TMPRSS4: variants seen among roughly 807,000 people sequenced by gnomAD.
The protein encoded by TMPRSS4 is transmembrane serine protease 4.
TMPRSS4 carries 45 observed loss-of-function variants against 56.4 expected under a neutral mutation model. The ratio of observed to expected loss-of-function variants is 0.80; its 90% CI spans 0.63 to 1.02. The LOEUF is 1.02. Ranked by LOEUF, TMPRSS4 falls within the 50% of genes least tolerant of loss-of-function variation. The pLI is 0.00. For synonymous variants in TMPRSS4, 205 were observed against 211.0 expected (o/e 0.97, Z 0.25); for missense variants, 546 against 556.7 (o/e 0.98, Z 0.19).
intron 1 of TMPRSS4, among the ~76,000 whole-genome samples, chr11:118,089,304 T>A (rs747721448): frequency 3.3e-5 from 5 of 152,176 alleles, no homozygotes; most frequent in African/African-American, 1.2e-4. Context: ...GAGCTACTCA[T>A]GGGGAAACTC....
In TMPRSS4 at chr11:118,115,096, T is replaced by C. The variant is rs768206438; in HGVS notation, c.1010-42T>C. On this transcript the variant is annotated intron_variant, in intron 10 of 12. Transcript: ENST00000437212. ...GGTTTGGCAATCCAGGGCTGGGGGA[T>C]AGAAGGCAAGGATGGGAATGTGAGT... is the stretch of plus-strand genomic sequence containing the variant. 8.1e-6 allele frequency: 13 copies of C among 1,595,172 alleles called. No homozygotes were observed. The African/African-American group carries it at 1.2e-4, about 15-fold the overall frequency.
intron 5 of TMPRSS4, 106 bp from the exon 6 acceptor site, chr11:118,107,668 A>T: frequency 1.1e-6 from 1 of 911,786 alleles, no homozygotes; most frequent in Non-Finnish European, 1.7e-6. Context: ...ACTCCCCACC[A>T]AGCATTCTCT....
In TMPRSS4 at chr11:118,119,102, C is replaced by G. The variant is rs3741313; in HGVS notation, c.*1189C>G. ...ACTGTACTAGGTTCTTAGGAAACAA[C>G]AGAATTCCTCAAATGCCAAAAACAA... On this transcript the variant is annotated 3_prime_UTR_variant, in exon 13 of 13. Transcript: ENST00000437212. 0.019 allele frequency: 18,695 copies of G among 985,240 alleles called. 1,545 individuals carry two copies. The African/African-American group carries it at 0.22, about 12-fold the overall frequency. The allele number at this position is 985,240 out of a possible 1,614,324, so 61.0% of individuals were successfully genotyped here. A position where few individuals can be genotyped will look rare whatever the true frequency, so the allele number is the denominator to read the frequency against.
chr11:118,080,453 A>T (rs775275221), intron 1 of TMPRSS4, among the ~76,000 whole-genome samples: 1 of 152,106 alleles, frequency 6.6e-6, no homozygotes, highest in African/African-American at 2.4e-5. Context: ...GGCCCTGTCC[A>T]TCTCCCAGGG....
chr11:118,104,856 T>A, intron 5 of TMPRSS4, 36 bp downstream of exon 5: 1 of 1,513,084 alleles, frequency 6.6e-7, no homozygotes, highest in Admixed American at 2.1e-5. Context: ...TTTCCCTCCT[T>A]CCTCCTTCCT....
chr11:118,111,100 C>T (rs1947255366), intron 7 of TMPRSS4, among the ~76,000 whole-genome samples: 1 of 152,326 alleles, frequency 6.6e-6, no homozygotes, highest in South Asian at 2.1e-4. Context: ...CTTAGAATGG[C>T]CCTTCTACCA....
At chr11:118,083,413 C>T (rs755180309) in intron 1 of TMPRSS4, among the ~76,000 whole-genome samples, 1 of 152,138 alleles carries the variant, frequency 6.6e-6, no homozygotes, top group Non-Finnish European at 1.5e-5. Context: ...TGGTCACTGT[C>T]CCCAGATGCG....
rs202029114 is a variant in TMPRSS4, at chr11:118,117,460, G to T, written c.1302+6G>T. 5.5e-4 allele frequency: 882 copies of T among 1,610,234 alleles called. 1 individual carries two copies. Among genetic ancestry groups the T allele is most frequent in the Non-Finnish European group, 6.1e-4 (714 of 1,177,584 alleles). On this transcript the variant is annotated splice_donor_region_variant and intron_variant, in intron 12 of 12. Coordinates refer to ENST00000437212, the MANE Select transcript of TMPRSS4 (RefSeq NM_019894.4). ...GGATCTACAATGTCTGGAAGGTAAG[G>T]TACCTTTGCCCTACCCACTGTGCCT...
intron 9 of TMPRSS4, among the ~76,000 whole-genome samples, chr11:118,114,365 C>A (rs598061): frequency 0.7 from 106,023 of 152,070 alleles, 37,632 homozygotes; most frequent in East Asian, 0.95. Flanking sequence ...ACCCCACCCC[C>A]CAACACAGGG....
chr11:118,085,774 C>T (rs1952600849), intron 1 of TMPRSS4, among the ~76,000 whole-genome samples: 3 of 152,170 alleles, frequency 2.0e-5, no homozygotes, highest in African/African-American at 4.8e-5. Flanking sequence ...CGAGTCCCCT[C>T]CAGCCATTGT....
rs1947768477 is a variant in TMPRSS4 at position 118,120,825 on chromosome 11, T to G, written c.*2912T>G. 6.6e-6 allele frequency: 1 copy of G among 152,090 alleles called. No homozygotes were observed. Among genetic ancestry groups the G allele is most frequent in the Admixed American group, 6.6e-5 (1 of 15,266 alleles). 9.4% of individuals were successfully genotyped at this position (152,090 alleles called of 1,614,324 possible). A position where few individuals can be genotyped will look rare whatever the true frequency, so the allele number is the denominator to read the frequency against. ...GAGACAGTACCAAAGAGATAAGAGCTGAGAATGTTCCAGAATTGATAAAAG... is the reference window on the plus strand; with the variant it reads ...GAGACAGTACCAAAGAGATAAGAGCGGAGAATGTTCCAGAATTGATAAAAG... On this transcript the variant is annotated 3_prime_UTR_variant, in exon 13 of 13. Coordinates refer to ENST00000437212, the MANE Select transcript of TMPRSS4 (RefSeq NM_019894.4).
At position 118,117,393 on chromosome 11, in the gene TMPRSS4, G is replaced by C; in HGVS notation, c.1241G>C (p.Ser414Thr). 1 of 1,614,136 alleles carries C rather than the reference G, an allele frequency of 6.2e-7. No individual in the cohort carries two copies. Residue 414 changes from serine (S) to threonine (T), a missense_variant, in exon 12 of 13, where the codon AGC (serine) becomes ACC (threonine). Ser to Thr is a moderately conservative substitution (Grantham distance 58). Transcript: ENST00000437212. Reference sequence around the variant, plus strand: ...TGGGGCTATGGCTGCGGGGGCCCGAGCACCCCAGGAGTATACACCAAGGTC... The same window carrying C: ...TGGGGCTATGGCTGCGGGGGCCCGACCACCCCAGGAGTATACACCAAGGTC... ...VSWGYGCGGP[S>T]TPGVYTKVSA...
At chr11:118,117,708 G>T (rs890831215) in intron 12 of TMPRSS4, 194 bp from the exon 13 acceptor site, 1 of 985,332 alleles carries the variant, frequency 1.0e-6, no homozygotes, top group Non-Finnish European at 1.2e-6. Context: ...GACAGAATGA[G>T]ACTATCAGAT....
intron 2 of TMPRSS4, among the ~76,000 whole-genome samples, chr11:118,098,639 C>T (rs1463634851): frequency 6.6e-6 from 1 of 152,156 alleles, no homozygotes; most frequent in Non-Finnish European, 1.5e-5. Context: ...TGAATGGGTA[C>T]GTGCCCCAGG....
intron 4 of TMPRSS4, among the ~76,000 whole-genome samples, chr11:118,103,853 G>C (rs1249420320): frequency 6.6e-6 from 1 of 152,252 alleles, no homozygotes; most frequent in Non-Finnish European, 1.5e-5. Flanking sequence ...CAGAGGGCTA[G>C]ACTGGGTGAC....
In TMPRSS4 at chr11:118,121,320, T is replaced by A. The variant is rs1340113028; in HGVS notation, c.*3407T>A. ...AGGCAATTGTGAAAATGTAGGTAAG[T>A]CTAAACACACTCTGTCTACTTCTTC... On this transcript the variant is annotated 3_prime_UTR_variant, in exon 13 of 13. Transcript: ENST00000437212. 6.6e-6 allele frequency: 1 copy of A among 150,830 alleles called. No homozygotes were observed. The highest frequency in any genetic ancestry group is 2.4e-5 in the African/African-American group (1 of 40,892). The allele number at this position is 150,830 out of a possible 1,614,324, so 9.3% of individuals were successfully genotyped here.
At chr11:118,086,348 G>T (rs1945554549) in intron 1 of TMPRSS4, among the ~76,000 whole-genome samples, 1 of 152,380 alleles carries the variant, frequency 6.6e-6, no homozygotes, top group African/African-American at 2.4e-5. Flanking sequence ...CTGAGATGGG[G>T]GATGAGGTGC....
downstream of TMPRSS4, among the ~76,000 whole-genome samples, chr11:118,122,680 G>C (rs12365797): frequency 6.6e-6 from 1 of 152,320 alleles, no homozygotes; most frequent in South Asian, 2.1e-4. Context: ...GTGAGGGAAA[G>C]TATAGCTAAT....
intron 5 of TMPRSS4, among the ~76,000 whole-genome samples, chr11:118,105,134 A>G (rs570424075): frequency 6.6e-6 from 1 of 151,522 alleles, no homozygotes; most frequent in Admixed American, 6.6e-5. Flanking sequence ...CCTTTCCTTT[A>G]CTCCTCAACC....
Sources: allele counts gnomAD v4.1 joint callset (sites outside exome capture counted in the v4.1 genomes callset), GRCh38; gene constraint gnomAD v4.1.1; transcripts MANE v1.5; gene names NCBI Gene and HGNC (gene_info 2026-07-23, HGNC 2026-07-21).